The following NDUFV2 variants were observed in gnomAD, a reference collection of about 807,000 sequenced individuals.
NDUFV2 encodes NADH dehydrogenase [ubiquinone] flavoprotein 2, mitochondrial.
NDUFV2 carries 18 observed loss-of-function variants against 31.6 expected under a neutral mutation model. That is an observed-to-expected ratio of 0.57 (90% CI 0.39 to 0.84). NDUFV2 has a LOEUF of 0.84. Among genes scored for constraint, NDUFV2 ranks in the 40% least tolerant of loss-of-function variants. The pLI is 0.00. For synonymous variants in NDUFV2, 83 were observed against 99.8 expected (o/e 0.83, Z 1.01); for missense variants, 314 against 303.6 (o/e 1.03, Z -0.26).
intron 7 of NDUFV2, among the ~76,000 whole-genome samples, chr18:9,128,788 A>G (rs1241000310): frequency 6.6e-6 from 1 of 152,218 alleles, no homozygotes; most frequent in Non-Finnish European, 1.5e-5. Flanking sequence ...ACTTCAGCCC[A>G]TAACTTCTTT....
chr18:9,108,765 A>G (rs1327313205), intron 1 of NDUFV2, among the ~76,000 whole-genome samples: 3 of 146,020 alleles, frequency 2.1e-5, no homozygotes, highest in Non-Finnish European at 4.5e-5. Flanking sequence ...ATTTTGGCTC[A>G]CTGCAACCTC....
chr18:9,114,248 T>G (rs944877918), intron 1 of NDUFV2, among the ~76,000 whole-genome samples: 1 of 152,130 alleles, frequency 6.6e-6, no homozygotes, highest in Non-Finnish European at 1.5e-5. Context: ...AGTAGATGGT[T>G]TTTTAACCAT....
chr18:9,124,802 T>A, intron 5 of NDUFV2, 72 bp from the exon 6 acceptor site: 1 of 46,336 alleles, frequency 2.2e-5, no homozygotes, highest in Non-Finnish European at 4.2e-5. Flanking sequence ...ATAAAAATTC[T>A]TTTTTTTTTT....
At chr18:9,105,613 A>G (rs953642366) in intron 1 of NDUFV2, among the ~76,000 whole-genome samples, 1 of 152,166 alleles carries the variant, frequency 6.6e-6, no homozygotes, top group Non-Finnish European at 1.5e-5. Context: ...ATTTTCAATT[A>G]CAGATGCTCC....
At chr18:9,102,876 G>A in intron 1 of NDUFV2, 79 bp downstream of exon 1, 1 of 1,458,868 alleles carries the variant, frequency 6.9e-7, no homozygotes, top group Non-Finnish European at 9.2e-7. Flanking sequence ...TTGGGCGCAG[G>A]AGAGCCCTGG....
chr18:9,109,946 G>A (rs1479897778), intron 1 of NDUFV2, among the ~76,000 whole-genome samples: 1 of 152,130 alleles, frequency 6.6e-6, no homozygotes, highest in Non-Finnish European at 1.5e-5. Context: ...ATTTTGAGCT[G>A]TATATTAGGT....
intron 6 of NDUFV2, chr18:9,126,567 C>T: frequency 2.4e-6 from 1 of 424,718 alleles, no homozygotes; most frequent in East Asian, 4.9e-5. Flanking sequence ...TTGTTGATGC[C>T]TTGGTAACTA....
At chr18:9,122,271 G>A (rs182215009) in intron 4 of NDUFV2, among the ~76,000 whole-genome samples, 3 of 152,122 alleles carry the variant, frequency 2.0e-5, no homozygotes, top group East Asian at 1.9e-4. Flanking sequence ...GGTAGAAGGA[G>A]GAAGTGCTGT....
intron 7 of NDUFV2, among the ~76,000 whole-genome samples, chr18:9,130,816 T>C (rs1189960484): frequency 1.3e-5 from 2 of 152,220 alleles, no homozygotes; most frequent in Admixed American, 6.5e-5. Context: ...TGAGTACCAC[T>C]GCCAGGTCTT....
intron 7 of NDUFV2, among the ~76,000 whole-genome samples, chr18:9,128,938 C>T (rs888842767): frequency 6.6e-6 from 1 of 152,214 alleles, no homozygotes; most frequent in Non-Finnish European, 1.5e-5. Flanking sequence ...TTCCTCCCCC[C>T]CACTCCTCCC....
At chr18:9,125,087 T>C in intron 6 of NDUFV2, 104 bp downstream of exon 6, 4 of 1,247,976 alleles carry the variant, frequency 3.2e-6, no homozygotes, top group Non-Finnish European at 4.5e-6. Flanking sequence ...GAATTACTCA[T>C]TTAGAAGAAA....
chr18:9,107,297 T>G (rs1462673352), intron 1 of NDUFV2, among the ~76,000 whole-genome samples: 2 of 152,208 alleles, frequency 1.3e-5, no homozygotes, highest in South Asian at 4.1e-4. Flanking sequence ...TGGGCACTGT[T>G]TAGTACCTTA....
intron 1 of NDUFV2, among the ~76,000 whole-genome samples, chr18:9,112,234 A>G (rs774056401): frequency 5.3e-5 from 8 of 151,274 alleles, no homozygotes; most frequent in East Asian, 4.0e-4. Context: ...GGCCAGGCTG[A>G]TCTCGAACTC....
chr18:9,123,809 C>G (rs1162958753), intron 5 of NDUFV2, among the ~76,000 whole-genome samples: 1 of 152,074 alleles, frequency 6.6e-6, no homozygotes, highest in Non-Finnish European at 1.5e-5. Flanking sequence ...TTTTCTTTTA[C>G]AAACAGTTAC....
chr18:9,108,996 A>C (rs2077856118), intron 1 of NDUFV2, among the ~76,000 whole-genome samples: 1 of 151,940 alleles, frequency 6.6e-6, no homozygotes, highest in African/African-American at 2.4e-5. Flanking sequence ...AGCCTCAAGG[A>C]TTTTTTTTAA....
At chr18:9,128,455 G>A (rs11872481) in intron 7 of NDUFV2, among the ~76,000 whole-genome samples, 16,613 of 152,228 alleles carry the variant, frequency 0.11, 1,070 homozygotes, top group African/African-American at 0.16. Context: ...AACAACCTGA[G>A]CCTATAGAAT....
chr18:9,122,763 C>A, intron 5 of NDUFV2, 82 bp downstream of exon 5: 1 of 1,399,128 alleles, frequency 7.1e-7, no homozygotes, highest in Non-Finnish European at 1.0e-6. Flanking sequence ...CTAAAATTTC[C>A]AACTTCTGCC....
At chr18:9,120,921 G>A (rs527955211) in intron 4 of NDUFV2, among the ~76,000 whole-genome samples, 4 of 152,096 alleles carry the variant, frequency 2.6e-5, no homozygotes, top group African/African-American at 9.6e-5. Flanking sequence ...CGTTAGCAGA[G>A]CAAAATAAAA....
At chr18:9,128,962 G>C (rs1344437255) in intron 7 of NDUFV2, among the ~76,000 whole-genome samples, 1 of 152,084 alleles carries the variant, frequency 6.6e-6, no homozygotes, top group African/African-American at 2.4e-5. Context: ...ACCCGAGATG[G>C]AGTCTTGCTC....
Sources: gnomAD v4.1 joint callset for allele counts (sites outside exome capture counted in the v4.1 genomes callset) on GRCh38, gnomAD v4.1.1 for gene constraint, MANE v1.5 for transcripts, NCBI Gene and HGNC (gene_info 2026-07-23, HGNC 2026-07-21) for gene names.